SPTBN1: variants seen among roughly 807,000 people sequenced by gnomAD.
SPTBN1 encodes spectrin beta, non-erythrocytic 1, also known as spectrin beta chain, non-erythrocytic 1.
A neutral mutation model predicts 266.4 loss-of-function variants in SPTBN1; 32 were observed. The ratio of observed to expected loss-of-function variants is 0.12; its 90% confidence interval spans 0.09 to 0.16. SPTBN1 has a LOEUF of 0.16. Ranked by LOEUF, SPTBN1 falls within the 10% of genes least tolerant of loss-of-function variation. The pLI is 1.00. For missense variants in SPTBN1, 2,296 were observed against 3,067.1 expected (o/e 0.75, Z 5.94); for synonymous variants, 1,336 against 1,162.2 (o/e 1.15, Z -3.04).
rs749952302 is a variant in SPTBN1, at chr2:54,558,946, T to G, written c.148+32380T>G. 6.4e-7 allele frequency: 1 copy of G among 1,572,316 alleles called. No homozygotes were observed. Among genetic ancestry groups the G allele is most frequent in the Non-Finnish European group, 8.7e-7 (1 of 1,155,482 alleles). Reference sequence around the variant, plus strand: ...GGTGCCAACGGGGGTTCTTGGAGGCTTTATTTGTGACCCTAATGAAGACGG... The same window carrying G: ...GGTGCCAACGGGGGTTCTTGGAGGCGTTATTTGTGACCCTAATGAAGACGG... On this transcript the variant is annotated intron_variant, in intron 2 of 35. Coordinates refer to ENST00000356805, the MANE Select transcript of SPTBN1 (RefSeq NM_003128.3). This position sits in a 1 kb window ranked among gnomAD's most constrained non-coding sequence, Gnocchi z 4.6.
chr2:54,471,779 G>T (rs1693930311), intron 1 of SPTBN1, among the ~76,000 whole-genome samples: 1 of 129,138 alleles, frequency 7.7e-6, no homozygotes, highest in Non-Finnish European at 1.7e-5. Flanking sequence ...TTACCAAGAG[G>T]TGCTTTCCTC....
chr2:54,569,033 A>G (rs933995374), intron 2 of SPTBN1, among the ~76,000 whole-genome samples: 4 of 152,198 alleles, frequency 2.6e-5, no homozygotes, highest in Non-Finnish European at 4.4e-5. Flanking sequence ...AAGTATGTGA[A>G]ATATCTGTTA....
At chr2:54,538,252 A>G (rs1026600101) in intron 2 of SPTBN1, among the ~76,000 whole-genome samples, 3 of 152,214 alleles carry the variant, frequency 2.0e-5, no homozygotes, top group African/African-American at 7.2e-5. Context: ...TTTCATTTGC[A>G]TTGAAGTTAT....
chr2:54,664,821 T>C lies in SPTBN1; in HGVS notation c.6659+130T>C, dbSNP rs1448620199. Reference sequence around the variant, plus strand: ...ATTCCTTTGGTAGCTTCCTGGACATTGCATTCTTCTTGGGCTGACGCTGGA... The same window carrying C: ...ATTCCTTTGGTAGCTTCCTGGACATCGCATTCTTCTTGGGCTGACGCTGGA... On this transcript the variant is annotated intron_variant, in intron 33 of 35. Coordinates refer to ENST00000356805, the MANE Select transcript of SPTBN1 (RefSeq NM_003128.3). This position sits in a 1 kb window ranked among gnomAD's most constrained non-coding sequence, Gnocchi z 5.6. The C allele has an allele frequency of 4.3e-6, 4 of 924,634 alleles. No individual in the cohort carries two copies. In the African/African-American group the frequency reaches 5.0e-5, roughly 12 times the overall value. The allele number at this position is 924,634 out of a possible 1,614,324, so 57.3% of individuals were successfully genotyped here. A position where few individuals can be genotyped will look rare whatever the true frequency, so the allele number is the denominator to read the frequency against.
chr2:54,509,700 A>C (rs543713878), intron 1 of SPTBN1, among the ~76,000 whole-genome samples: 2 of 152,346 alleles, frequency 1.3e-5, no homozygotes, highest in East Asian at 3.9e-4. Flanking sequence ...TTTAGGGTTC[A>C]CTTGGTGAAT....
intron 2 of SPTBN1, among the ~76,000 whole-genome samples, chr2:54,548,701 G>A (rs960638228): frequency 2.0e-5 from 3 of 152,202 alleles, no homozygotes; most frequent in Non-Finnish European, 4.4e-5. Flanking sequence ...CTGGGCACAC[G>A]GCTCTGTGCC....
chr2:54,467,372 A>T (rs762884776), intron 1 of SPTBN1, among the ~76,000 whole-genome samples: 1 of 152,104 alleles, frequency 6.6e-6, no homozygotes, highest in Non-Finnish European at 1.5e-5. Context: ...GGCATTTTGA[A>T]ACCTGTAAAC....
chr2:54,649,713 C>A lies in SPTBN1; in HGVS notation c.5301C>A (p.Asn1767Lys). 2 of 1,614,168 alleles carry A rather than the reference C, an allele frequency of 1.2e-6. No individual in the cohort carries two copies. Among genetic ancestry groups the A allele is most frequent in the Non-Finnish European group, 1.7e-6 (2 of 1,180,036 alleles). ...TVNHLADELI[N>K]SGHSDAATIA... is the part of the protein sequence containing the mutation. ...ATCACCTGGCAGATGAGCTCATCAA[C>A]TCTGGACATTCAGATGCCGCCACCA... Residue 1767 changes from asparagine (N) to lysine (K), a missense_variant, in exon 26 of 36, where the codon AAC becomes AAA. Around this residue, in one of 12 missense-constraint regions of SPTBN1, gnomAD observed 644 missense variants for 745.3 expected, o/e 0.86. Transcript: ENST00000356805. This position sits in a 1 kb window ranked among gnomAD's most constrained non-coding sequence, Gnocchi z 6.7.
intron 18 of SPTBN1, among the ~76,000 whole-genome samples, chr2:54,638,463 T>C (rs1450977123): frequency 1.3e-5 from 2 of 152,242 alleles, no homozygotes; most frequent in African/African-American, 4.8e-5. Flanking sequence ...GTATCTAACA[T>C]GCAAAGAGCA....
chr2:54,668,718 G>A lies in SPTBN1; in HGVS notation c.*149G>A. 1 of 679,636 alleles carries A rather than the reference G, an allele frequency of 1.5e-6. No homozygotes were observed. The highest frequency in any genetic ancestry group is 2.3e-6 in the Non-Finnish European group (1 of 434,762). 42.1% of individuals were successfully genotyped at this position (679,636 alleles called of 1,614,324 possible). On this transcript the variant is annotated 3_prime_UTR_variant, in exon 36 of 36. Coordinates refer to ENST00000356805, the MANE Select transcript of SPTBN1 (RefSeq NM_003128.3). The stretch of plus-strand genomic sequence containing the variant: ...TTTAATTTATAGAGCATTTCGGGGG[G>A]GGTGGGGGAAACACACCTAAACACT...
chr2:54,509,959 T>TC (rs200288521), intron 1 of SPTBN1, among the ~76,000 whole-genome samples: 2 of 141,878 alleles, frequency 1.4e-5, no homozygotes, highest in African/African-American at 5.2e-5. Flanking sequence ...TTTCTTTCTT[T>TC]TTTTTTTTTT....
rs70944169 is a variant in SPTBN1, at chr2:54,487,832, C to CTTTTTTTTTTTTTTTTTTTTTTTTTTT, written c.-48+31329_-48+31330insTTTTTTTTTTTTTTTTTTTTTTTTTTT. Among the ~76,000 whole-genome samples the CTTTTTTTTTTTTTTTTTTTTTTTTTTT allele has an allele frequency of 1.1e-3, 78 of 68,644 alleles. 16 individuals are homozygous for CTTTTTTTTTTTTTTTTTTTTTTTTTTT. Among genetic ancestry groups the CTTTTTTTTTTTTTTTTTTTTTTTTTTT allele is most frequent in the Non-Finnish European group, 1.6e-3 (64 of 39,044 alleles). 45.0% of individuals were successfully genotyped at this position (68,644 alleles called of 152,430 possible). A position where few individuals can be genotyped will look rare whatever the true frequency, so the allele number is the denominator to read the frequency against. On this transcript the variant is annotated intron_variant, in intron 1 of 35. Coordinates refer to ENST00000356805, the MANE Select transcript of SPTBN1 (RefSeq NM_003128.3). ...TTCACTTGATGGTCTCCTCCTGTGTCTTTTTTTTTTTTTTTGAGACGGAGT... is the reference window on the plus strand; with the variant it reads ...TTCACTTGATGGTCTCCTCCTGTGTCTTTTTTTTTTTTTTTTTTTTTTTTTTTTTTTTTTTTTTTTTTGAGACGGAGT...
intron 2 of SPTBN1, among the ~76,000 whole-genome samples, chr2:54,573,612 C>A (rs529085154): frequency 3.3e-5 from 5 of 152,164 alleles, no homozygotes; most frequent in African/African-American, 1.2e-4. Flanking sequence ...CCTCCCTCAG[C>A]GGGAATTCAC....
chr2:54,653,266 T>G lies in SPTBN1; in HGVS notation c.5578-343T>G. 3.1e-5 allele frequency: 6 copies of G among 194,504 alleles called. No homozygotes were observed. The highest frequency in any genetic ancestry group is 5.2e-5 in the Non-Finnish European group (5 of 96,490). The allele number at this position is 194,504 out of a possible 1,614,324, so 12.0% of individuals were successfully genotyped here. A position where few individuals can be genotyped will look rare whatever the true frequency, so the allele number is the denominator to read the frequency against. On this transcript the variant is annotated intron_variant, in intron 26 of 35. Transcript: ENST00000356805. The surrounding 1 kb of genome is among the most constrained non-coding windows in gnomAD (Gnocchi z 5.1). ...TTTATCTTTACCCCGAGATAGCAGA[T>G]TAGGTATTTATTTTTTGGACTGTAT... is the stretch of plus-strand genomic sequence containing the variant.
intron 2 of SPTBN1, among the ~76,000 whole-genome samples, chr2:54,585,792 T>C (rs1675252057): frequency 1.3e-5 from 2 of 152,188 alleles, no homozygotes; most frequent in South Asian, 4.1e-4. Flanking sequence ...TGTGGACTAA[T>C]CCAAGATGAA....
intron 1 of SPTBN1, among the ~76,000 whole-genome samples, chr2:54,482,269 C>T (rs1668137965): frequency 6.6e-6 from 1 of 151,398 alleles, no homozygotes; most frequent in African/African-American, 2.4e-5. Context: ...AATTCCATTG[C>T]TTTGGGAGGC....
chr2:54,643,645 C>A (rs1679727392), intron 19 of SPTBN1, among the ~76,000 whole-genome samples: 1 of 152,116 alleles, frequency 6.6e-6, no homozygotes, highest in African/African-American at 2.4e-5. Flanking sequence ...CCCCCGACTT[C>A]TCTCCTTTTA....
intron 4 of SPTBN1, among the ~76,000 whole-genome samples, chr2:54,613,736 GTTA>G (rs1196113868): frequency 6.6e-6 from 1 of 152,202 alleles, no homozygotes; most frequent in African/African-American, 2.4e-5. Context: ...TTACATTTCT[GTTA>G]TTTAGTTCCT....
rs1000355248 is a variant in SPTBN1, at chr2:54,643,240, G to C, written c.4005+111G>C. On this transcript the variant is annotated intron_variant, in intron 19 of 35. Coordinates refer to ENST00000356805, the MANE Select transcript of SPTBN1 (RefSeq NM_003128.3). Reference sequence around the variant, plus strand: ...TATCTGATCTTATCTGTACATTTACGTAAGTTACACAGCCAGTAATAGCTC... The same window carrying C: ...TATCTGATCTTATCTGTACATTTACCTAAGTTACACAGCCAGTAATAGCTC... 1.3e-5 allele frequency: 19 copies of C among 1,460,888 alleles called. No homozygotes were observed. In the African/African-American group the frequency reaches 2.4e-4, roughly 18 times the overall value. 90.5% of individuals were successfully genotyped at this position (1,460,888 alleles called of 1,614,324 possible).
Sources: gnomAD v4.1 joint callset for allele counts (sites outside exome capture counted in the v4.1 genomes callset) on GRCh38, gnomAD v4.1.1 for gene constraint, gnomAD v4.1.1 regional missense constraint, Gnocchi (gnomAD v3.1) non-coding constraint, MANE v1.5 for transcripts, NCBI Gene and HGNC (gene_info 2026-07-23, HGNC 2026-07-21) for gene names.